The following ZNF445 variants were observed in gnomAD, a reference collection of about 807,000 sequenced individuals.
ZNF445 encodes zinc finger protein 445, also known as zinc finger protein 168.
A neutral mutation model predicts 93.9 loss-of-function variants in ZNF445; 19 were observed. That is an observed-to-expected ratio of 0.20 (90% CI 0.14 to 0.30). ZNF445 has a LOEUF of 0.30. ZNF445 is among the 10% of genes least tolerant of loss of function. ZNF445 has a pLI of 1.00. For missense variants in ZNF445, 1,058 were observed against 1,259.4 expected, an observed-to-expected ratio of 0.84 and a Z score of 2.42; for synonymous variants, 449 against 446.3, an observed-to-expected ratio of 1.01 and a Z score of -0.08.
rs1464932659 is a variant in ZNF445 at position 44,433,123 on chromosome 3, GTTCT to G, written c.*13448_*13451del. Reference sequence around the variant, plus strand: ...GCTTCCTGGGATGCTAAGGGTCATCGTTCTTTTTTTTTTTTTTTCCCGCTCTGTT... The same window carrying G: ...GCTTCCTGGGATGCTAAGGGTCATCGTTTTTTTTTTTTTTCCCGCTCTGTT... On this transcript the variant is annotated 3_prime_UTR_variant, in exon 8 of 8. Coordinates refer to ENST00000396077, the MANE Select transcript of ZNF445 (RefSeq NM_181489.6). 3.3e-5 allele frequency: 5 copies of G among 150,858 alleles called. No individual in the cohort carries two copies. The highest frequency in any genetic ancestry group is 3.9e-4 in the East Asian group (2 of 5,130). The allele number at this position is 150,858 out of a possible 1,614,324, so 9.3% of individuals were successfully genotyped here.
rs765140091 is a variant in ZNF445 at position 44,440,613 on chromosome 3, G to A, written c.*5962C>T. Reference sequence around the variant, plus strand: ...TGTATTGCTCCTGTTACCAGAAAGCGGTCGTGATCCAGTCCCCAAGAGAGA... The same window carrying A: ...TGTATTGCTCCTGTTACCAGAAAGCAGTCGTGATCCAGTCCCCAAGAGAGA... On this transcript the variant is annotated 3_prime_UTR_variant, in exon 8 of 8. Coordinates refer to ENST00000396077, the MANE Select transcript of ZNF445 (RefSeq NM_181489.6). 6.6e-6 allele frequency: 1 copy of A among 152,116 alleles called. No individual in the cohort carries two copies. Among genetic ancestry groups the A allele is most frequent in the East Asian group, 1.9e-4 (1 of 5,186 alleles). 9.4% of individuals were successfully genotyped at this position (152,116 alleles called of 1,614,324 possible).
At position 44,455,711 on chromosome 3, in the gene ZNF445, A is replaced by T. The variant is rs900207331; in HGVS notation, c.-147-15T>A. 36 of 646,888 alleles carry T rather than the reference A, an allele frequency of 5.6e-5. No homozygotes were observed. The East Asian group carries it at 1.0e-3, about 18-fold the overall frequency. The allele number at this position is 646,888 out of a possible 1,614,324, so 40.1% of individuals were successfully genotyped here. On this transcript the variant is annotated splice_polypyrimidine_tract_variant and intron_variant, in intron 2 of 7. Transcript: ENST00000396077. ...TACCAGCATTTCTGTGCAGGAGGGGATGAGAGAATAATGTCCATTATACAT... is the reference window on the plus strand; with the variant it reads ...TACCAGCATTTCTGTGCAGGAGGGGTTGAGAGAATAATGTCCATTATACAT...
rs1269839146 is a variant in ZNF445, at chr3:44,444,337, A to C, written c.*2238T>G. On this transcript the variant is annotated 3_prime_UTR_variant, in exon 8 of 8. Transcript: ENST00000396077. ...GTCCTAGAGGTCAACCACCTGATGG[A>C]GAGCCTTGGTAAACCAAGCCCTCTT... 1 of 152,224 alleles carries C rather than the reference A, an allele frequency of 6.6e-6. No homozygotes were observed. The highest frequency in any genetic ancestry group is 1.5e-5 in the Non-Finnish European group (1 of 68,064). The allele number at this position is 152,224 out of a possible 1,614,324, so 9.4% of individuals were successfully genotyped here. A position where few individuals can be genotyped will look rare whatever the true frequency, so the allele number is the denominator to read the frequency against.
chr3:44,463,363 A>G (rs1698146238), intron 1 of ZNF445, among the ~76,000 whole-genome samples: 1 of 152,150 alleles, frequency 6.6e-6, no homozygotes, highest in Non-Finnish European at 1.5e-5. Context: ...TGCACAGATG[A>G]GAGGCCCTAA....
At position 44,446,545 on chromosome 3, in the gene ZNF445, C is replaced by A. The variant is rs1697880044; in HGVS notation, c.*30G>T. ...GGTTCTCTAGCAGGGGACTGAGAAC[C>A]CACCCCCACTGTCACTGTCAGGTCC... On this transcript the variant is annotated 3_prime_UTR_variant, in exon 8 of 8. Coordinates refer to ENST00000396077, the MANE Select transcript of ZNF445 (RefSeq NM_181489.6). The surrounding 1 kb of genome is among the most constrained non-coding windows in gnomAD (Gnocchi z 4.2). 1.2e-6 allele frequency: 2 copies of A among 1,612,922 alleles called. No individual in the cohort carries two copies. The highest frequency in any genetic ancestry group is 1.7e-5 in the Admixed American group (1 of 59,726).
At position 44,434,040 on chromosome 3, in the gene ZNF445, G is replaced by C. The variant is rs1697620944; in HGVS notation, c.*12535C>G. The C allele has an allele frequency of 6.6e-6, 1 of 152,070 alleles. No homozygotes were observed. Among genetic ancestry groups the C allele is most frequent in the Non-Finnish European group, 1.5e-5 (1 of 68,018 alleles). 9.4% of individuals were successfully genotyped at this position (152,070 alleles called of 1,614,324 possible). A position where few individuals can be genotyped will look rare whatever the true frequency, so the allele number is the denominator to read the frequency against. On this transcript the variant is annotated 3_prime_UTR_variant, in exon 8 of 8. Transcript: ENST00000396077. ...GGCATTTCCCCAAAATGTTAAATGT[G>C]GAATTATGTGATTCAGAAAATCACA...
rs1431093285 is a variant in ZNF445, at chr3:44,442,938, A to G, written c.*3637T>C. The G allele has an allele frequency of 6.6e-6, 1 of 152,182 alleles. No homozygotes were observed. The highest frequency in any genetic ancestry group is 1.9e-4 in the East Asian group (1 of 5,198). The allele number at this position is 152,182 out of a possible 1,614,324, so 9.4% of individuals were successfully genotyped here. ...TAACAGAGGTAATTTTGTGCAAGAT[A>G]TTTTCTGCATGGCAAACAGATAAAT... On this transcript the variant is annotated 3_prime_UTR_variant, in exon 8 of 8. Coordinates refer to ENST00000396077, the MANE Select transcript of ZNF445 (RefSeq NM_181489.6).
At chr3:44,464,390 G>T (rs903806814) in intron 1 of ZNF445, among the ~76,000 whole-genome samples, 3 of 152,200 alleles carry the variant, frequency 2.0e-5, no homozygotes, top group African/African-American at 7.2e-5. Context: ...TACAAGGGCT[G>T]AATCTTCTGT....
intron 1 of ZNF445, among the ~76,000 whole-genome samples, chr3:44,472,490 C>T (rs933062074): frequency 5.3e-5 from 8 of 152,300 alleles, no homozygotes; most frequent in Middle Eastern, 6.8e-3. Flanking sequence ...GGATTACAGG[C>T]GCATGCCACC....
Position 44,441,112 on chromosome 3 carries a change from A to C in ZNF445, c.*5463T>G, listed in dbSNP as rs550021089. 1.3e-5 allele frequency: 2 copies of C among 152,162 alleles called. No individual in the cohort carries two copies. The highest frequency in any genetic ancestry group is 4.8e-5 in the African/African-American group (2 of 41,528). 9.4% of individuals were successfully genotyped at this position (152,162 alleles called of 1,614,324 possible). A position where few individuals can be genotyped will look rare whatever the true frequency, so the allele number is the denominator to read the frequency against. On this transcript the variant is annotated 3_prime_UTR_variant, in exon 8 of 8. Transcript: ENST00000396077. ...TATTTTTTAGTAGAGACAGGGTTTC[A>C]CCATGTTGGCCAGGCTGGTCTCAAT...
chr3:44,456,793 C>A (rs545475824), intron 2 of ZNF445, among the ~76,000 whole-genome samples: 93 of 152,304 alleles, frequency 6.1e-4, no homozygotes, highest in African/African-American at 2.1e-3. Context: ...AACTACTAAT[C>A]CAGCTTCCCA....
At chr3:44,467,187 TTTGCAAC>T (rs1429647789) in intron 1 of ZNF445, among the ~76,000 whole-genome samples, 1 of 152,240 alleles carries the variant, frequency 6.6e-6, no homozygotes, top group Admixed American at 6.5e-5. Context: ...TTTAGAGCTA[TTTGCAAC>T]TTTTAACAAG....
Position 44,437,566 on chromosome 3 carries a change from G to A in ZNF445, c.*9009C>T, listed in dbSNP as rs1159964896. ...AGTAGGATGGAGTAACCTCTAACCT[G>A]AGGTCAGTCAAGTGTCCTTGCCTTT... On this transcript the variant is annotated 3_prime_UTR_variant, in exon 8 of 8. Coordinates refer to ENST00000396077, the MANE Select transcript of ZNF445 (RefSeq NM_181489.6). 2.0e-5 allele frequency: 3 copies of A among 152,180 alleles called. No individual in the cohort carries two copies. The highest frequency in any genetic ancestry group is 4.4e-5 in the Non-Finnish European group (3 of 68,046). 9.4% of individuals were successfully genotyped at this position (152,180 alleles called of 1,614,324 possible). A position where few individuals can be genotyped will look rare whatever the true frequency, so the allele number is the denominator to read the frequency against.
In ZNF445 at chr3:44,448,186, A is replaced by G. The variant is rs1697905772; in HGVS notation, c.1485T>C (p.Ser495=). 1.2e-6 allele frequency: 2 copies of G among 1,614,096 alleles called. No individual in the cohort carries two copies. Among genetic ancestry groups the G allele is most frequent in the South Asian group, 2.2e-5 (2 of 91,088 alleles). ...FKCSDCGRTF[S]HSSHLAYHQR... is the part of the protein sequence containing the mutation. The stretch of plus-strand genomic sequence containing the variant: ...GATGATACGCAAGATGGGAGCTATG[A>G]CTGAAAGTCCTTCCACAGTCACTGC... Residue 495 remains serine, a synonymous_variant, in exon 8 of 8, where the codon AGT becomes AGC. Coordinates refer to ENST00000396077, the MANE Select transcript of ZNF445 (RefSeq NM_181489.6).
At chr3:44,451,282 A>G in intron 4 of ZNF445, 32 bp downstream of exon 4, 1 of 1,605,652 alleles carries the variant, frequency 6.2e-7, no homozygotes, top group Middle Eastern at 1.7e-4. Context: ...GTGTGGCATA[A>G]GGCTGGGGTC....
rs1008709960 is a variant in ZNF445, at chr3:44,433,577, G to A, written c.*12998C>T. Reference sequence around the variant, plus strand: ...GGCCATTACTGGGGGGTCTGATGGGGTTATGAGAGAAATGCCCAGGGAGGG... The same window carrying A: ...GGCCATTACTGGGGGGTCTGATGGGATTATGAGAGAAATGCCCAGGGAGGG... On this transcript the variant is annotated 3_prime_UTR_variant, in exon 8 of 8. Transcript: ENST00000396077. The A allele has an allele frequency of 5.9e-5, 9 of 152,352 alleles. No individual in the cohort carries two copies. Among genetic ancestry groups the A allele is most frequent in the African/African-American group, 1.9e-4 (8 of 41,458 alleles). The allele number at this position is 152,352 out of a possible 1,614,324, so 9.4% of individuals were successfully genotyped here.
chr3:44,474,404 C>A (rs1304711803), intron 1 of ZNF445, among the ~76,000 whole-genome samples: 1 of 151,994 alleles, frequency 6.6e-6, no homozygotes, highest in African/African-American at 2.4e-5. Flanking sequence ...ATCCCAGCTA[C>A]TCGAGAGGCT....
At chr3:44,458,938 T>C (rs1035948943) in intron 1 of ZNF445, among the ~76,000 whole-genome samples, 11 of 152,182 alleles carry the variant, frequency 7.2e-5, no homozygotes, top group African/African-American at 1.9e-4. Context: ...AGTCTATTAA[T>C]ATGAGATCAA....
At position 44,438,509 on chromosome 3, in the gene ZNF445, C is replaced by T. The variant is rs1697736420; in HGVS notation, c.*8066G>A. The T allele has an allele frequency of 6.7e-6, 1 of 150,166 alleles. No individual in the cohort carries two copies. Among genetic ancestry groups the T allele is most frequent in the Non-Finnish European group, 1.5e-5 (1 of 67,518 alleles). 9.3% of individuals were successfully genotyped at this position (150,166 alleles called of 1,614,324 possible). ...GACGGGGTTTCACCGCGTTAGCCAG[C>T]ATGGTCTCGATCTCTTGACCTCGTG... On this transcript the variant is annotated 3_prime_UTR_variant, in exon 8 of 8. Transcript: ENST00000396077.
Sources: allele counts gnomAD v4.1 joint callset (sites outside exome capture counted in the v4.1 genomes callset), GRCh38; gene constraint gnomAD v4.1.1; non-coding constraint Gnocchi (gnomAD v3.1); transcripts MANE v1.5; gene names NCBI Gene and HGNC (gene_info 2026-07-23, HGNC 2026-07-21).